Variants in DGCR2 observed in about 807,000 individuals in gnomAD.
The protein encoded by DGCR2 is integral membrane protein DGCR2/IDD.
Under a neutral mutation model 51.6 loss-of-function variants are expected in DGCR2, and 24 were observed. That is an observed-to-expected ratio of 0.47 (90% CI 0.34 to 0.65). DGCR2 has a LOEUF of 0.65. Ranked by LOEUF, DGCR2 falls within the 30% of genes least tolerant of loss-of-function variation. DGCR2 has a pLI of 0.01. For synonymous variants in DGCR2, 340 were observed against 315.4 expected, an observed-to-expected ratio of 1.08 and a Z score of -0.82; for missense variants, 765 against 772.1, an observed-to-expected ratio of 0.99 and a Z score of 0.11.
At chr22:19,063,617 G>C (rs926087657) in intron 4 of DGCR2, among the ~76,000 whole-genome samples, 1 of 151,618 alleles carries the variant, frequency 6.6e-6, no homozygotes, top group Non-Finnish European at 1.5e-5. Context: ...CCAAAGTGCT[G>C]GGATTGTTTT....
At chr22:19,054,859 T>C (rs1040490028) in intron 6 of DGCR2, among the ~76,000 whole-genome samples, 1 of 152,254 alleles carries the variant, frequency 6.6e-6, no homozygotes, top group African/African-American at 2.4e-5. Context: ...TCCCAGCACT[T>C]TGGGAGGCTG....
At chr22:19,068,022 A>T (rs768737633) in intron 3 of DGCR2, 78 bp downstream of exon 3, 1 of 1,466,818 alleles carries the variant, frequency 6.8e-7, no homozygotes, top group African/African-American at 1.4e-5. Flanking sequence ...CTCACGCAGC[A>T]CAGTAGTGCT....
chr22:19,095,792 G>A (rs1395140034), intron 1 of DGCR2, among the ~76,000 whole-genome samples: 1 of 150,150 alleles, frequency 6.7e-6, no homozygotes, highest in Non-Finnish European at 1.5e-5. Flanking sequence ...AAACAATTTT[G>A]AGATCAAAAG....
At chr22:19,073,668 A>T (rs1281534020) in intron 2 of DGCR2, among the ~76,000 whole-genome samples, 2 of 152,232 alleles carry the variant, frequency 1.3e-5, no homozygotes, top group Non-Finnish European at 2.9e-5. Flanking sequence ...TTAACCTTCA[A>T]AATTATGGGA....
chr22:19,062,775 G>GCATTCTCATGCATT (rs1555903875), intron 5 of DGCR2, among the ~76,000 whole-genome samples: 1 of 108,860 alleles, frequency 9.2e-6, no homozygotes, highest in Non-Finnish European at 1.9e-5. Flanking sequence ...ACACATGCAT[G>GCATTCTCATGCATT]CTCACTCTCT....
intron 1 of DGCR2, among the ~76,000 whole-genome samples, chr22:19,092,376 A>G (rs373625632): frequency 6.6e-6 from 1 of 152,100 alleles, no homozygotes. Flanking sequence ...CAGAAGAGAG[A>G]TGTCATCACT....
intron 1 of DGCR2, among the ~76,000 whole-genome samples, chr22:19,101,361 T>C (rs1389682712): frequency 6.6e-6 from 1 of 152,162 alleles, no homozygotes; most frequent in Non-Finnish European, 1.5e-5. Flanking sequence ...GGTATAGCTC[T>C]ACAAAAGAAT....
At position 19,089,389 on chromosome 22, in the gene DGCR2, T is replaced by TCTCATCCTCGCAAGTCGCC; in HGVS notation, c.162_180dup (p.Ser61GlyfsTer6). 6.2e-7 allele frequency: 1 copy of TCTCATCCTCGCAAGTCGCC among 1,610,052 alleles called. No homozygotes were observed. Among genetic ancestry groups the TCTCATCCTCGCAAGTCGCC allele is most frequent in the South Asian group, 1.1e-5 (1 of 90,354 alleles). Reference sequence around the variant, plus strand: ...TCACCTGGACAGTTGGCTTCGTCGCTCTCATCCTCGCAAGTCGCCCAGCCG... The same window carrying TCTCATCCTCGCAAGTCGCC: ...TCACCTGGACAGTTGGCTTCGTCGCTCTCATCCTCGCAAGTCGCCCTCATCCTCGCAAGTCGCCCAGCCG... On this transcript the variant is annotated stop_gained and frameshift_variant, in exon 2 of 10. Coordinates refer to ENST00000263196, the MANE Select transcript of DGCR2 (RefSeq NM_005137.3). LOFTEE classifies it high-confidence loss of function.
At chr22:19,113,375 A>G (rs1477439290) in intron 1 of DGCR2, among the ~76,000 whole-genome samples, 1 of 126,228 alleles carries the variant, frequency 7.9e-6, no homozygotes, top group Non-Finnish European at 1.6e-5. Flanking sequence ...TCTCAAAAAA[A>G]TAAAAATAAA....
At chr22:19,044,924 T>TC (rs906185498) in intron 7 of DGCR2, among the ~76,000 whole-genome samples, 90 of 152,376 alleles carry the variant, frequency 5.9e-4, no homozygotes, top group African/African-American at 2.1e-3. Flanking sequence ...GTCAGGGGCT[T>TC]ATTTTTTCAT....
At chr22:19,048,949 T>A (rs1175111589) in intron 6 of DGCR2, among the ~76,000 whole-genome samples, 1 of 152,306 alleles carries the variant, frequency 6.6e-6, no homozygotes, top group African/African-American at 2.4e-5. Flanking sequence ...TTGGCCAGAT[T>A]GTGCTGAGAG....
At chr22:19,040,327 C>T (rs2082416992) in intron 9 of DGCR2, among the ~76,000 whole-genome samples, 3 of 152,170 alleles carry the variant, frequency 2.0e-5, no homozygotes, top group Admixed American at 2.0e-4. Context: ...GCAGCCCCAG[C>T]CTCACAATGC....
intron 6 of DGCR2, chr22:19,056,498 A>C (rs1439769493): frequency 1.9e-6 from 1 of 518,784 alleles, no homozygotes; most frequent in Non-Finnish European, 3.5e-6. Flanking sequence ...GACCTGCCCC[A>C]CCAAGAGCTC....
chr22:19,059,164 G>A (rs2238735), intron 5 of DGCR2, among the ~76,000 whole-genome samples: 2,497 of 152,306 alleles, frequency 0.016, 87 homozygotes, highest in East Asian at 0.062. Flanking sequence ...TGATGGAACT[G>A]TGATTTCTAT....
intron 4 of DGCR2, 28 bp downstream of exon 4, chr22:19,064,820 C>A: frequency 1.2e-6 from 2 of 1,602,044 alleles, no homozygotes; most frequent in Non-Finnish European, 1.7e-6. Flanking sequence ...CTGACTCCAG[C>A]CCCTCAGGTC....
intron 2 of DGCR2, among the ~76,000 whole-genome samples, chr22:19,075,198 C>A (rs2082861492): frequency 1.3e-5 from 2 of 152,182 alleles, no homozygotes; most frequent in Admixed American, 1.3e-4. Context: ...GAGGCTGAGG[C>A]AGGCAGATCA....
intron 1 of DGCR2, among the ~76,000 whole-genome samples, chr22:19,107,427 T>C (rs543404196): frequency 1.1e-4 from 17 of 152,338 alleles, no homozygotes; most frequent in African/African-American, 4.1e-4. Context: ...TTATTTCTCA[T>C]AAATAACAAG....
chr22:19,086,305 GTC>G (rs1198112681), intron 2 of DGCR2, among the ~76,000 whole-genome samples: 1 of 151,852 alleles, frequency 6.6e-6, no homozygotes, highest in Admixed American at 6.6e-5. Flanking sequence ...GTGAAACCCT[GTC>G]TCTACTAAAA....
rs780176433 is a variant in DGCR2, at chr22:19,039,014, C to T, written c.1504G>A (p.Ala502Thr). 8 of 1,612,442 alleles carry T rather than the reference C, an allele frequency of 5.0e-6. No homozygotes were observed. The highest frequency in any genetic ancestry group is 3.3e-5 in the South Asian group (3 of 91,016). The change falls in exon 10 of 10, where the codon GCC becomes ACC. Residue 502 changes from alanine to threonine, a missense_variant. Transcript: ENST00000263196. ...RLEQPLPTAG[A>T]SLADLEDSAD... Reference sequence around the variant, plus strand: ...GAGTCTTCCAGGTCTGCCAGAGAGGCCCCCGCAGTGGGCAGAGGCTGCTCC... The same window carrying T: ...GAGTCTTCCAGGTCTGCCAGAGAGGTCCCCGCAGTGGGCAGAGGCTGCTCC...
Sources: allele counts gnomAD v4.1 joint callset (sites outside exome capture counted in the v4.1 genomes callset), GRCh38; gene constraint gnomAD v4.1.1; transcripts MANE v1.5; gene names NCBI Gene and HGNC (gene_info 2026-07-23, HGNC 2026-07-21).